The following IGF1 variants were observed in gnomAD, a reference collection of about 807,000 sequenced individuals.
IGF1 encodes insulin like growth factor 1.
IGF1 carries 4 observed loss-of-function variants against 13.8 expected under a neutral mutation model. The observed-to-expected ratio is 0.29, with a 90% confidence interval of 0.14 to 0.66. The LOEUF is 0.66. Among genes scored for constraint, IGF1 ranks in the 30% least tolerant of loss-of-function variants. IGF1 has a pLI of 0.78. For synonymous variants in IGF1, 76 were observed against 72.6 expected (o/e 1.05, Z -0.23); for missense variants, 124 against 188.5 (o/e 0.66, Z 2.00).
chr12:102,470,804 T>C (rs960805566), intron 2 of IGF1, among the ~76,000 whole-genome samples: 2 of 152,170 alleles, frequency 1.3e-5, no homozygotes, highest in Admixed American at 6.5e-5. Flanking sequence ...TCTTCTTTAA[T>C]TGAAAAGGTA....
chr12:102,463,801 G>T (rs1024049910), intron 2 of IGF1, among the ~76,000 whole-genome samples: 2 of 152,166 alleles, frequency 1.3e-5, no homozygotes, highest in African/African-American at 4.8e-5. Context: ...AAAGAGCTCT[G>T]GACCAAGCAT....
At chr12:102,441,906 G>GCTGCTGCTGCTTCTTCTTCTTTTT in intron 2 of IGF1, among the ~76,000 whole-genome samples, 2 of 100,292 alleles carry the variant, frequency 2.0e-5, no homozygotes, top group Non-Finnish European at 4.1e-5. Context: ...CTATTACACT[G>GCTGCTGCTGCTTCTTCTTCTTTTT]CTTCTTCTCC....
intron 2 of IGF1, among the ~76,000 whole-genome samples, chr12:102,471,446 G>A (rs1880681724): frequency 6.6e-6 from 1 of 152,066 alleles, no homozygotes. Flanking sequence ...ATATATCAAA[G>A]GAAAGAAGCT....
intron 2 of IGF1, among the ~76,000 whole-genome samples, chr12:102,448,537 G>T (rs189107554): frequency 0.027 from 3,142 of 114,950 alleles, 67 homozygotes; most frequent in Non-Finnish European, 0.04. Flanking sequence ...TGGGGACTGT[G>T]GTGGGGTGGG....
chr12:102,476,410 TGAGAGAGAGAGAGA>T (rs36047405), intron 1 of IGF1, among the ~76,000 whole-genome samples: 15 of 139,036 alleles, frequency 1.1e-4, no homozygotes, highest in African/African-American at 3.7e-4. Context: ...TTCCTCAATA[TGAGAGAGAGAGAGA>T]GAGAGAGAGA....
intron 3 of IGF1, among the ~76,000 whole-genome samples, chr12:102,412,695 T>C (rs1289995053): frequency 6.6e-6 from 1 of 152,210 alleles, no homozygotes; most frequent in East Asian, 1.9e-4. Context: ...CAATGAAAGT[T>C]ATAATTGAGT....
Position 102,397,067 on chromosome 12 carries a change from T to G in IGF1, c.*5440A>C, listed in dbSNP as rs931571587. 1.1e-4 allele frequency: 39 copies of G among 360,922 alleles called. No homozygotes were observed. The highest frequency in any genetic ancestry group is 1.4e-3 in the Middle Eastern group (2 of 1,412). The allele number at this position is 360,922 out of a possible 1,614,324, so 22.4% of individuals were successfully genotyped here. ...AATCCAAAAAATTAGCCGGGCATAGTGGTGGGTGCCTGTAATCCCAGCTAC... is the reference window on the plus strand; with the variant it reads ...AATCCAAAAAATTAGCCGGGCATAGGGGTGGGTGCCTGTAATCCCAGCTAC... On this transcript the variant is annotated 3_prime_UTR_variant, in exon 4 of 4. Coordinates refer to ENST00000337514, the MANE Select transcript of IGF1 (RefSeq NM_000618.5).
Position 102,478,751 on chromosome 12 carries a change from A to G in IGF1, c.63+1568T>C, listed in dbSNP as rs1440967104. Reference sequence around the variant, plus strand: ...TCTTTTCCCCCCAGTCAAGCCACCTATTTCCATTGTATGCCTATTGTAGCA... The same window carrying G: ...TCTTTTCCCCCCAGTCAAGCCACCTGTTTCCATTGTATGCCTATTGTAGCA... On this transcript the variant is annotated intron_variant, in intron 1 of 3. Transcript: ENST00000337514. The G allele has an allele frequency of 6.7e-6, 6 of 892,404 alleles. No homozygotes were observed. In the African/African-American group the frequency reaches 8.5e-5, roughly 13 times the overall value. The allele number at this position is 892,404 out of a possible 1,614,324, so 55.3% of individuals were successfully genotyped here.
chr12:102,422,606 G>T lies in IGF1; in HGVS notation c.221-2916C>A, dbSNP rs995784475. 2.6e-5 allele frequency among the ~76,000 whole-genome samples: 4 copies of T among 152,156 alleles called. 1 individual carries two copies. On this transcript the variant is annotated intron_variant, in intron 2 of 3. Transcript: ENST00000337514. ...TTCCAGAACCACAATAAAGATATTT[G>T]CTGCTATGGTCTACAGGTAGAGGCC...
At chr12:102,435,393 ACAGGATACG>A (rs1256637032) in intron 2 of IGF1, among the ~76,000 whole-genome samples, 4 of 152,230 alleles carry the variant, frequency 2.6e-5, no homozygotes, top group African/African-American at 9.6e-5. Context: ...AGAAGAGGAC[ACAGGATACG>A]CAGGTTACAC....
chr12:102,433,381 C>T (rs1273057761), intron 2 of IGF1, among the ~76,000 whole-genome samples: 1 of 152,168 alleles, frequency 6.6e-6, no homozygotes, highest in Non-Finnish European at 1.5e-5. Flanking sequence ...AAGGAAACTG[C>T]AATGCAGGGA....
intron 2 of IGF1, among the ~76,000 whole-genome samples, chr12:102,461,276 C>A (rs1488020401): frequency 6.6e-6 from 1 of 152,154 alleles, no homozygotes; most frequent in Non-Finnish European, 1.5e-5. Flanking sequence ...CATTAATGGG[C>A]TCAGGCTGGG....
intron 2 of IGF1, among the ~76,000 whole-genome samples, chr12:102,467,572 G>A (rs1363032506): frequency 6.6e-6 from 1 of 152,162 alleles, no homozygotes; most frequent in Non-Finnish European, 1.5e-5. Context: ...TACATGTGAA[G>A]GCTTTGCACA....
intron 2 of IGF1, among the ~76,000 whole-genome samples, chr12:102,425,116 TA>T (rs916329072): frequency 6.6e-6 from 1 of 152,164 alleles, no homozygotes; most frequent in Admixed American, 6.5e-5. Context: ...ATTTTGAAAT[TA>T]GGATTTTTAA....
rs570005223 is a variant in IGF1, at chr12:102,398,983, T to C, written c.*3524A>G. 6.6e-6 allele frequency: 1 copy of C among 152,668 alleles called. No individual in the cohort carries two copies. Among genetic ancestry groups the C allele is most frequent in the South Asian group, 2.1e-4 (1 of 4,820 alleles). The allele number at this position is 152,668 out of a possible 1,614,324, so 9.5% of individuals were successfully genotyped here. A position where few individuals can be genotyped will look rare whatever the true frequency, so the allele number is the denominator to read the frequency against. On this transcript the variant is annotated 3_prime_UTR_variant, in exon 4 of 4. Coordinates refer to ENST00000337514, the MANE Select transcript of IGF1 (RefSeq NM_000618.5). ...TGAGATGGTTTCATCTACACAAACA[T>C]TGACGTTCCAAGGAGAGGAAGGATT...
chr12:102,454,198 T>C (rs990208277), intron 2 of IGF1, among the ~76,000 whole-genome samples: 4 of 152,232 alleles, frequency 2.6e-5, no homozygotes, highest in Admixed American at 6.5e-5. Flanking sequence ...AAATCCTCCC[T>C]GTACAAGGCC....
chr12:102,456,810 C>T (rs556953740), intron 2 of IGF1, among the ~76,000 whole-genome samples: 1 of 152,260 alleles, frequency 6.6e-6, no homozygotes, highest in East Asian at 1.9e-4. Flanking sequence ...ATGACAGTCC[C>T]CACGTTCCAA....
In IGF1 at chr12:102,400,987, G is replaced by T. The variant is rs970461676; in HGVS notation, c.*1520C>A. Reference sequence around the variant, plus strand: ...GCTGTTAGCTTTTAACAACTAGTTGGCCAGTTATTTGGATAGCTTCACTGA... The same window carrying T: ...GCTGTTAGCTTTTAACAACTAGTTGTCCAGTTATTTGGATAGCTTCACTGA... On this transcript the variant is annotated 3_prime_UTR_variant, in exon 4 of 4. Transcript: ENST00000337514. The T allele has an allele frequency of 1.3e-5, 2 of 152,192 alleles. No homozygotes were observed. Among genetic ancestry groups the T allele is most frequent in the African/African-American group, 4.8e-5 (2 of 41,520 alleles). 9.4% of individuals were successfully genotyped at this position (152,192 alleles called of 1,614,324 possible).
chr12:102,440,452 C>T (rs1321569139), intron 2 of IGF1, among the ~76,000 whole-genome samples: 1 of 152,204 alleles, frequency 6.6e-6, no homozygotes, highest in Non-Finnish European at 1.5e-5. Flanking sequence ...CCTTGCTACT[C>T]AAATCAGGAA....
Sources: allele counts gnomAD v4.1 joint callset (sites outside exome capture counted in the v4.1 genomes callset), GRCh38; gene constraint gnomAD v4.1.1; transcripts MANE v1.5; gene names NCBI Gene and HGNC (gene_info 2026-07-23, HGNC 2026-07-21).